FAM120B: variants seen among roughly 807,000 people sequenced by gnomAD.
FAM120B encodes constitutive coactivator of peroxisome proliferator-activated receptor gamma.
FAM120B carries 83 observed loss-of-function variants against 96.3 expected under a neutral mutation model. The ratio of observed to expected loss-of-function variants is 0.86; its 90% confidence interval spans 0.72 to 1.03. The LOEUF (loss-of-function observed/expected upper bound fraction) is 1.03. Ranked by LOEUF, FAM120B falls within the 50% of genes least tolerant of loss-of-function variation. FAM120B has a pLI of 0.00. For synonymous variants in FAM120B, 407 were observed against 402.7 expected, an observed-to-expected ratio of 1.01 and a Z score of -0.13; for missense variants, 1,027 against 1,121.2, an observed-to-expected ratio of 0.92 and a Z score of 1.20.
intron 6 of FAM120B, among the ~76,000 whole-genome samples, chr6:170,360,375 C>T (rs906083516): frequency 1.3e-5 from 2 of 152,308 alleles, no homozygotes; most frequent in Admixed American, 6.5e-5. Context: ...TTCCACACCC[C>T]GTGGATGTGC....
Position 170,323,119 on chromosome 6 carries a change from T to C in FAM120B, c.1775T>C (p.Val592Ala). The stretch of plus-strand genomic sequence containing the variant: ...CACGTCCAAGCAGAAAGCTACCTGG[T>C]GTACAACATCATGAGCAGTGGAGAG... ...THHVQAESYL[V>A]YNIMSSGEIE... Residue 592 changes from valine (V) to alanine (A), a missense_variant, in exon 3 of 11, where the codon GTG (valine) becomes GCG (alanine). Physicochemically the swap from Val to Ala is moderately conservative, Grantham distance 64 (BLOSUM62 0). Around this residue, in one of 3 missense-constraint regions of FAM120B, gnomAD observed 880 missense variants for 980.9 expected, o/e 0.90. Transcript: ENST00000476287. 6.2e-7 allele frequency: 1 copy of C among 1,613,980 alleles called. No homozygotes were observed. The highest frequency in any genetic ancestry group is 1.1e-5 in the South Asian group (1 of 91,058).
At chr6:170,311,501 G>T (rs1230528445) in intron 1 of FAM120B, among the ~76,000 whole-genome samples, 2 of 152,200 alleles carry the variant, frequency 1.3e-5, no homozygotes, top group Non-Finnish European at 2.9e-5. Context: ...ACCTTTAAAA[G>T]ATTTCCTCCG....
In FAM120B at chr6:170,300,173, A is replaced by C. The variant is rs1784110076; in HGVS notation, c.48+4720A>C. Among the ~76,000 whole-genome samples, 3 of 152,208 alleles carry C rather than the reference A, an allele frequency of 2.0e-5. No homozygotes were observed. The South Asian group carries it at 6.2e-4, about 32-fold the overall frequency. On this transcript the variant is annotated intron_variant, in intron 1 of 10. Transcript: ENST00000537664. ...AAGGGAAGAGGTTTAATTGACTCAC[A>C]GGTCAGCATGGCTGGGGAGGCCTCA...
At position 170,318,215 on chromosome 6, in the gene FAM120B, T is replaced by C; in HGVS notation, c.825T>C (p.Leu275=). The change falls in exon 2 of 11, where the codon CTT becomes CTC. Residue 275 remains leucine, a synonymous_variant. Transcript: ENST00000476287. ...LAVSDHISKV[L]YLYQGEKKLE... ...TGTCAGACCATATATCGAAAGTTCT[T>C]TACTTGTATCAAGGTGAGAAAAAAT... 1.2e-6 allele frequency: 2 copies of C among 1,613,866 alleles called. No individual in the cohort carries two copies. The highest frequency in any genetic ancestry group is 1.7e-6 in the Non-Finnish European group (2 of 1,179,958).
chr6:170,391,192 T>C (rs1489103937), intron 8 of FAM120B, 71 bp downstream of exon 8: 2 of 1,018,330 alleles, frequency 2.0e-6, no homozygotes, highest in East Asian at 2.5e-5. Flanking sequence ...GTTTTGTTGA[T>C]AAATGAATTC....
In FAM120B at chr6:170,362,716, C is replaced by T. The variant is rs141919666; in HGVS notation, c.2283+4398C>T. ...TTTTTTTTTGAGACAAGGTCTGGCT[C>T]TGTTGCCCAGACTGGAGTACAGTGG... On this transcript the variant is annotated intron_variant, in intron 6 of 10. Coordinates refer to ENST00000476287, the MANE Select transcript of FAM120B (RefSeq NM_032448.3). 3.0e-3 allele frequency among the ~76,000 whole-genome samples: 445 copies of T among 147,962 alleles called. 1 individual carries two copies. Among genetic ancestry groups the T allele is most frequent in the African/African-American group, 0.011 (420 of 39,832 alleles).
chr6:170,396,316 C>T (rs1778159608), intron 9 of FAM120B, among the ~76,000 whole-genome samples: 1 of 152,148 alleles, frequency 6.6e-6, no homozygotes, highest in Non-Finnish European at 1.5e-5. Flanking sequence ...TGGGGTCTGT[C>T]TCGGGTGGAG....
At chr6:170,365,550 C>A (rs982583517) in intron 6 of FAM120B, among the ~76,000 whole-genome samples, 2 of 152,200 alleles carry the variant, frequency 1.3e-5, no homozygotes, top group Non-Finnish European at 2.9e-5. Flanking sequence ...AGCATGAACC[C>A]ATGGAGGAAA....
At chr6:170,350,031 C>T (rs1787470315) in intron 5 of FAM120B, among the ~76,000 whole-genome samples, 1 of 152,270 alleles carries the variant, frequency 6.6e-6, no homozygotes, top group African/African-American at 2.4e-5. Flanking sequence ...TTCATGAGCC[C>T]ATACCACCAC....
At chr6:170,377,848 C>A (rs957484803) in intron 6 of FAM120B, among the ~76,000 whole-genome samples, 7 of 149,208 alleles carry the variant, frequency 4.7e-5, no homozygotes, top group African/African-American at 1.8e-4. Flanking sequence ...GTCCCTAATC[C>A]CAGATGCCTG....
chr6:170,346,380 T>A (rs1787191130), intron 4 of FAM120B, among the ~76,000 whole-genome samples: 1 of 152,230 alleles, frequency 6.6e-6, no homozygotes, highest in Non-Finnish European at 1.5e-5. Flanking sequence ...AATTGTACAT[T>A]GTTTTTATTT....
At chr6:170,313,433 T>C (rs544426301) in intron 1 of FAM120B, among the ~76,000 whole-genome samples, 1 of 152,342 alleles carries the variant, frequency 6.6e-6, no homozygotes, top group African/African-American at 2.4e-5. Flanking sequence ...AATTACTTTG[T>C]ACTTGGAAAT....
At chr6:170,330,189 C>G (rs1785919341) in intron 3 of FAM120B, among the ~76,000 whole-genome samples, 1 of 152,238 alleles carries the variant, frequency 6.6e-6, no homozygotes, top group Non-Finnish European at 1.5e-5. Flanking sequence ...TAAACTCTCT[C>G]TCCCATATTA....
At chr6:170,354,191 A>G (rs1480735854) in intron 5 of FAM120B, among the ~76,000 whole-genome samples, 3 of 152,258 alleles carry the variant, frequency 2.0e-5, no homozygotes, top group East Asian at 1.9e-4. Context: ...TCTTTAATTA[A>G]TGGTGCTGGG....
chr6:170,304,710 G>C (rs192490036), upstream of FAM120B, among the ~76,000 whole-genome samples: 1 of 152,176 alleles, frequency 6.6e-6, no homozygotes, highest in African/African-American at 2.4e-5. Flanking sequence ...GCGCATGAGA[G>C]TTTGGTCTCC....
At position 170,406,633 on chromosome 6, in the gene FAM120B, C is replaced by A. The variant is rs1235307506; in HGVS notation, c.*1882C>A. Reference sequence around the variant, plus strand: ...TTTCGTGCAAGTCTTGTAGGACCCACATGTTTTCCTAGCTTTGGAAATCGA... The same window carrying A: ...TTTCGTGCAAGTCTTGTAGGACCCAAATGTTTTCCTAGCTTTGGAAATCGA... On this transcript the variant is annotated 3_prime_UTR_variant, in exon 11 of 11. Transcript: ENST00000476287. 1.3e-5 allele frequency: 2 copies of A among 152,184 alleles called. No homozygotes were observed. The highest frequency in any genetic ancestry group is 2.9e-5 in the Non-Finnish European group (2 of 68,022). The allele number at this position is 152,184 out of a possible 1,614,324, so 9.4% of individuals were successfully genotyped here.
At chr6:170,360,074 A>T (rs1335129306) in intron 6 of FAM120B, among the ~76,000 whole-genome samples, 3 of 152,098 alleles carry the variant, frequency 2.0e-5, no homozygotes. Context: ...CCCTGTCAGA[A>T]GAATTAAACA....
At chr6:170,396,408 G>A (rs765752309) in intron 9 of FAM120B, among the ~76,000 whole-genome samples, 32 of 152,182 alleles carry the variant, frequency 2.1e-4, no homozygotes, top group Non-Finnish European at 3.8e-4. Flanking sequence ...CAAACATTGC[G>A]AGTCCACTGT....
Position 170,370,958 on chromosome 6 carries a change from C to A in FAM120B, c.2283+12640C>A, listed in dbSNP as rs922283579. Among the ~76,000 whole-genome samples the A allele has an allele frequency of 2.6e-5, 4 of 152,012 alleles. No individual in the cohort carries two copies. The highest frequency in any genetic ancestry group is 5.9e-5 in the Non-Finnish European group (4 of 68,008). ...AGCAAGAAATGGTGTATATATATCT[C>A]AATACGGATGGATGGATAGACAGAC... On this transcript the variant is annotated intron_variant, in intron 6 of 10. Coordinates refer to ENST00000476287, the MANE Select transcript of FAM120B (RefSeq NM_032448.3). This position sits in a 1 kb window ranked among gnomAD's most constrained non-coding sequence, Gnocchi z 4.3.
Sources: allele counts gnomAD v4.1 joint callset (sites outside exome capture counted in the v4.1 genomes callset), GRCh38; gene constraint gnomAD v4.1.1; regional missense constraint gnomAD v4.1.1; non-coding constraint Gnocchi (gnomAD v3.1); transcripts MANE v1.5; gene names NCBI Gene and HGNC (gene_info 2026-07-23, HGNC 2026-07-21).